Variants in BSN observed in about 807,000 individuals in gnomAD.
BSN encodes the protein bassoon presynaptic cytomatrix protein, also known as protein bassoon.
In BSN, 57 loss-of-function variants were observed where a neutral mutation model predicts 264.8. That is an observed-to-expected ratio of 0.22 (90% confidence interval 0.17 to 0.27). BSN has a LOEUF of 0.27. BSN is among the 10% of genes least tolerant of loss of function. The pLI, the probability that BSN is intolerant of heterozygous loss-of-function variation, is 1.00. For missense variants in BSN, 4,615 were observed against 5,232.5 expected (o/e 0.88, Z 3.64); for synonymous variants, 2,059 against 2,137.3 (o/e 0.96, Z 1.01).
chr3:49,619,754 C>A (rs1279695330), intron 1 of BSN, among the ~76,000 whole-genome samples: 1 of 152,164 alleles, frequency 6.6e-6, no homozygotes, highest in Non-Finnish European at 1.5e-5. Flanking sequence ...CTGAAGTTCT[C>A]TCCTGCATGA....
Position 49,655,271 on chromosome 3 carries a change from C to T in BSN, c.5715C>T (p.Tyr1905=), listed in dbSNP as rs138458970. 6.8e-3 allele frequency: 10,960 copies of T among 1,613,112 alleles called. 58 individuals are homozygous for T. The highest frequency in any genetic ancestry group is 0.016 in the Middle Eastern group (96 of 6,062). ...ESQLACCDMV[Y]KLPFGSSCTG... is the part of the protein sequence containing the mutation. ...AGCTGGCATGCTGTGACATGGTCTACAAGCTCCCCTTTGGCAGCAGCTGCA... is the reference window on the plus strand; with the variant it reads ...AGCTGGCATGCTGTGACATGGTCTATAAGCTCCCCTTTGGCAGCAGCTGCA... Residue 1905 remains tyrosine, a synonymous_variant, in exon 5 of 12, where the codon TAC becomes TAT. Transcript: ENST00000296452.
chr3:49,604,639 T>C (rs187795875), intron 1 of BSN, among the ~76,000 whole-genome samples: 254 of 152,308 alleles, frequency 1.7e-3, no homozygotes, highest in Non-Finnish European at 2.5e-3. Flanking sequence ...TGCTTTCACC[T>C]TTTGGCTAGT....
chr3:49,572,850 G>A (rs190402322), intron 1 of BSN, among the ~76,000 whole-genome samples: 3 of 152,284 alleles, frequency 2.0e-5, no homozygotes, highest in African/African-American at 7.2e-5. Flanking sequence ...ATTTTCATGG[G>A]CTCCTCAGAT....
At chr3:49,640,946 A>G (rs1380614490) in intron 2 of BSN, among the ~76,000 whole-genome samples, 1 of 152,066 alleles carries the variant, frequency 6.6e-6, no homozygotes, top group African/African-American at 2.4e-5. Flanking sequence ...TCAGGGGACC[A>G]CTTGGCAGAG....
intron 1 of BSN, among the ~76,000 whole-genome samples, chr3:49,573,221 G>A (rs984790660): frequency 9.0e-4 from 137 of 152,340 alleles, no homozygotes; most frequent in Middle Eastern, 3.4e-3. Context: ...TGTGTGATGT[G>A]TGTCTGAGGG....
At chr3:49,603,112 C>G (rs575608420) in intron 1 of BSN, among the ~76,000 whole-genome samples, 1 of 152,110 alleles carries the variant, frequency 6.6e-6, no homozygotes, top group South Asian at 2.1e-4. Flanking sequence ...GTGGCCAGGG[C>G]TGGGCCCCTC....
chr3:49,575,302 C>T (rs375278811), intron 1 of BSN, among the ~76,000 whole-genome samples: 1 of 151,346 alleles, frequency 6.6e-6, no homozygotes, highest in East Asian at 1.9e-4. Context: ...TGCAGTAACC[C>T]GAGATCGCAG....
chr3:49,589,173 A>G (rs866835418), intron 1 of BSN, among the ~76,000 whole-genome samples: 3 of 149,366 alleles, frequency 2.0e-5, no homozygotes, highest in Non-Finnish European at 4.4e-5. Context: ...CGGCCTCCCA[A>G]AGTGCTGGGA....
chr3:49,651,324 T>G lies in BSN; in HGVS notation c.1987-219T>G. The G allele has an allele frequency of 1.6e-6, 1 of 637,526 alleles. No homozygotes were observed. Among genetic ancestry groups the G allele is most frequent in the Non-Finnish European group, 2.6e-6 (1 of 383,446 alleles). The allele number at this position is 637,526 out of a possible 1,614,324, so 39.5% of individuals were successfully genotyped here. ...TTTGCTGGGTTTTGATACCCTTTGA[T>G]CTAGTAAAGTTTCTCTTTGAAGACC... On this transcript the variant is annotated intron_variant, in intron 4 of 11. Transcript: ENST00000296452. This position sits in a 1 kb window ranked among gnomAD's most constrained non-coding sequence, Gnocchi z 5.4.
chr3:49,657,021 C>A lies in BSN; in HGVS notation c.7465C>A (p.Pro2489Thr). 6.2e-7 allele frequency: 1 copy of A among 1,610,300 alleles called. No individual in the cohort carries two copies. The highest frequency in any genetic ancestry group is 2.2e-5 in the East Asian group (1 of 44,778). Residue 2489 changes from proline to threonine, a missense_variant, in exon 5 of 12, where the codon CCC becomes ACC. Pro to Thr is a conservative substitution (Grantham distance 38). Around this residue, in one of 3 missense-constraint regions of BSN, gnomAD observed 3,415 missense variants for 3,866.4 expected, o/e 0.88. Transcript: ENST00000296452. ...AACEAPGRGP[P>T]LAAAELAQNG... The stretch of plus-strand genomic sequence containing the variant: ...CTGTGAGGCACCTGGCCGAGGGCCT[C>A]CCCTAGCGGCTGCTGAGTTGGCCCA...
chr3:49,660,545 C>T lies in BSN; in HGVS notation c.8700C>T (p.Pro2900=). The T allele has an allele frequency of 6.3e-7, 1 of 1,579,844 alleles. No homozygotes were observed. ...AGGTGAAGCGGACACTGCCCAGCCCCCCTCCAGAGGAGGCTCACCTTCCCC... is the reference window on the plus strand; with the variant it reads ...AGGTGAAGCGGACACTGCCCAGCCCTCCTCCAGAGGAGGCTCACCTTCCCC... The part of the protein sequence containing the change: ...VRKVKRTLPS[P]PPEEAHLPLA... The change falls in exon 6 of 12, where the codon CCC becomes CCT. Residue 2900 remains proline (P), a synonymous_variant. Coordinates refer to ENST00000296452, the MANE Select transcript of BSN (RefSeq NM_003458.4). The surrounding 1 kb of genome is among the most constrained non-coding windows in gnomAD (Gnocchi z 7.1).
rs568976372 is a variant in BSN, at chr3:49,657,390, G to A, written c.7834G>A (p.Val2612Met). The change falls in exon 5 of 12, where the codon GTG becomes ATG. Residue 2612 changes from valine (V) to methionine (M), a missense_variant. This residue lies in a region of BSN where 3,415 missense variants were observed against 3,866.4 expected (regional missense o/e 0.88). Coordinates refer to ENST00000296452, the MANE Select transcript of BSN (RefSeq NM_003458.4). ...GGCACGGCGGAGTGCTGACTGCAGT[G>A]TGCAGACGGACGACGAAGACAGTGC... Reference protein sequence around the residue: ...RRARRSADCSVQTDDEDSAEW... With the variant: ...RRARRSADCSMQTDDEDSAEW... 4.3e-5 allele frequency: 69 copies of A among 1,613,286 alleles called. 2 individuals carry two copies. In the South Asian group the frequency reaches 6.8e-4, roughly 16 times the overall value.
intron 11 of BSN, among the ~76,000 whole-genome samples, chr3:49,666,546 T>A (rs139580791): frequency 1.3e-5 from 2 of 152,302 alleles, no homozygotes; most frequent in Non-Finnish European, 2.9e-5. Context: ...ATGAGTGTTA[T>A]AAAGCCAGAG....
At chr3:49,629,828 T>C (rs2052371522) in intron 2 of BSN, among the ~76,000 whole-genome samples, 1 of 152,232 alleles carries the variant, frequency 6.6e-6, no homozygotes, top group African/African-American at 2.4e-5. Context: ...GAATTACTTA[T>C]AAGCCTCTCT....
intron 1 of BSN, among the ~76,000 whole-genome samples, chr3:49,614,235 A>G (rs1167125490): frequency 6.6e-6 from 1 of 151,570 alleles, no homozygotes; most frequent in Admixed American, 6.6e-5. Flanking sequence ...AATTTTTTGT[A>G]TTTTTAGTAG....
At chr3:49,557,810 C>G (rs1445589973) in intron 1 of BSN, among the ~76,000 whole-genome samples, 1 of 152,154 alleles carries the variant, frequency 6.6e-6, no homozygotes, top group Non-Finnish European at 1.5e-5. Context: ...TGTGATCTAC[C>G]TGCCTCGGCC....
rs982670518 is a variant in BSN at position 49,579,552 on chromosome 3, GTCACCACGCCCA to G, written c.224+24727_224+24738del. 9.9e-5 allele frequency among the ~76,000 whole-genome samples: 15 copies of G among 151,584 alleles called. 1 individual carries two copies. The highest frequency in any genetic ancestry group is 3.4e-4 in the African/African-American group (14 of 41,282). On this transcript the variant is annotated intron_variant, in intron 1 of 11. Transcript: ENST00000296452. Reference sequence around the variant, plus strand: ...TAAGTAGCTAAGATTACAGGCGCCCGTCACCACGCCCAGCTGATTTTTTCTTTCTTTCTTTTT... The same window carrying G: ...TAAGTAGCTAAGATTACAGGCGCCCGGCTGATTTTTTCTTTCTTTCTTTTT...
At chr3:49,624,827 A>C (rs1323887572) in intron 1 of BSN, 148 bp from the exon 2 acceptor site, 18 of 709,402 alleles carry the variant, frequency 2.5e-5, no homozygotes, top group Non-Finnish European at 3.6e-5. Context: ...TCAGCACAGG[A>C]CACAGCAAAT....
chr3:49,581,816 C>CT (rs2051897227), intron 1 of BSN, among the ~76,000 whole-genome samples: 1 of 151,706 alleles, frequency 6.6e-6, no homozygotes. Flanking sequence ...GAGCAAGACT[C>CT]TGTCTCAAAA....
Sources: gnomAD v4.1 joint callset for allele counts (sites outside exome capture counted in the v4.1 genomes callset) on GRCh38, gnomAD v4.1.1 for gene constraint, gnomAD v4.1.1 regional missense constraint, Gnocchi (gnomAD v3.1) non-coding constraint, MANE v1.5 for transcripts, NCBI Gene and HGNC (gene_info 2026-07-23, HGNC 2026-07-21) for gene names.